PAK5: variants seen among roughly 807,000 people sequenced by gnomAD.
PAK5 encodes the protein p21 (RAC1) activated kinase 5, also known as serine/threonine-protein kinase PAK 5.
Under a neutral mutation model 65.9 loss-of-function variants are expected in PAK5, and 16 were observed. The ratio of observed to expected loss-of-function variants is 0.24; its 90% confidence interval spans 0.16 to 0.37. The LOEUF is 0.37. Among genes scored for constraint, PAK5 ranks in the 10% least tolerant of loss-of-function variants. The pLI, the probability that PAK5 is intolerant of heterozygous loss-of-function variation, is 1.00. For synonymous variants in PAK5, 371 were observed against 354.9 expected (o/e 1.05, Z -0.51); for missense variants, 785 against 903.9 (o/e 0.87, Z 1.69).
intron 1 of PAK5, among the ~76,000 whole-genome samples, chr20:9,837,850 T>C (rs535100485): frequency 6.6e-6 from 1 of 152,266 alleles, no homozygotes; most frequent in African/African-American, 2.4e-5. Flanking sequence ...TGTGCCAACT[T>C]TTCTTTTTGT....
At chr20:9,552,915 T>A (rs926212300) in intron 7 of PAK5, among the ~76,000 whole-genome samples, 19 of 152,170 alleles carry the variant, frequency 1.2e-4, no homozygotes, top group African/African-American at 4.3e-4. Flanking sequence ...AGAGATGAGA[T>A]GGGACTTCAA....
chr20:9,664,190 G>A (rs1325660751), intron 2 of PAK5, among the ~76,000 whole-genome samples: 1 of 152,124 alleles, frequency 6.6e-6, no homozygotes, highest in Non-Finnish European at 1.5e-5. Context: ...CTTCTCTGGG[G>A]CTCAATTATC....
chr20:9,823,530 A>G (rs2049447954), intron 1 of PAK5, among the ~76,000 whole-genome samples: 1 of 152,136 alleles, frequency 6.6e-6, no homozygotes, highest in Non-Finnish European at 1.5e-5. Flanking sequence ...TTTATAAATG[A>G]GCTCCCCTGC....
At chr20:9,624,972 T>G (rs79996418) in intron 3 of PAK5, among the ~76,000 whole-genome samples, 2 of 152,204 alleles carry the variant, frequency 1.3e-5, no homozygotes, top group Admixed American at 1.3e-4. Context: ...GCAACAGAAC[T>G]TTATAACTGG....
At chr20:9,592,644 C>T (rs1432962744) in intron 3 of PAK5, among the ~76,000 whole-genome samples, 1 of 152,206 alleles carries the variant, frequency 6.6e-6, no homozygotes, top group African/African-American at 2.4e-5. Flanking sequence ...ATATGCAGCA[C>T]TCTATGGGCA....
At chr20:9,598,866 G>A (rs1396053166) in intron 3 of PAK5, among the ~76,000 whole-genome samples, 1 of 151,894 alleles carries the variant, frequency 6.6e-6, no homozygotes, top group Admixed American at 6.6e-5. Context: ...TTTATACTGT[G>A]GTAAAATATA....
intron 2 of PAK5, among the ~76,000 whole-genome samples, chr20:9,708,376 G>T (rs1457255745): frequency 6.6e-6 from 1 of 152,104 alleles, no homozygotes; most frequent in Admixed American, 6.6e-5. Context: ...AGATTGTGGT[G>T]ATTATATATA....
chr20:9,671,489 C>T (rs1305884523), intron 2 of PAK5, among the ~76,000 whole-genome samples: 5 of 151,994 alleles, frequency 3.3e-5, no homozygotes, highest in Non-Finnish European at 5.9e-5. Context: ...AGGTCCTTCA[C>T]GTCCCTTGTA....
chr20:9,544,749 G>A (rs2045318359), intron 7 of PAK5, among the ~76,000 whole-genome samples: 1 of 152,052 alleles, frequency 6.6e-6, no homozygotes, highest in African/African-American at 2.4e-5. Flanking sequence ...TCTATAAAAT[G>A]ATGGAACAAC....
At chr20:9,689,708 A>G (rs2047766316) in intron 2 of PAK5, among the ~76,000 whole-genome samples, 1 of 152,244 alleles carries the variant, frequency 6.6e-6, no homozygotes, top group African/African-American at 2.4e-5. Context: ...TGGCTTTCTG[A>G]TCCTCTATAT....
At chr20:9,585,691 G>T (rs2046056970) in intron 3 of PAK5, among the ~76,000 whole-genome samples, 1 of 152,096 alleles carries the variant, frequency 6.6e-6, no homozygotes, top group Non-Finnish European at 1.5e-5. Context: ...GGTATTTAGT[G>T]ATCCCCTTCC....
At chr20:9,833,269 G>C (rs190580477) in intron 1 of PAK5, among the ~76,000 whole-genome samples, 1 of 152,270 alleles carries the variant, frequency 6.6e-6, no homozygotes, top group African/African-American at 2.4e-5. Flanking sequence ...TTCTAAGAAT[G>C]ACCTAAATCT....
intron 1 of PAK5, among the ~76,000 whole-genome samples, chr20:9,748,563 T>C (rs920751259): frequency 6.6e-6 from 1 of 152,082 alleles, no homozygotes; most frequent in Non-Finnish European, 1.5e-5. Flanking sequence ...TCCAAATCTC[T>C]AACTTTTTAA....
chr20:9,728,574 A>C (rs1484758532), intron 1 of PAK5, among the ~76,000 whole-genome samples: 2 of 152,204 alleles, frequency 1.3e-5, no homozygotes, highest in African/African-American at 4.8e-5. Flanking sequence ...TCAAATTCAC[A>C]AAAGAGGAAG....
chr20:9,707,254 G>A (rs1270728241), intron 2 of PAK5, among the ~76,000 whole-genome samples: 1 of 151,986 alleles, frequency 6.6e-6, no homozygotes, highest in Admixed American at 6.6e-5. Flanking sequence ...AAAGCAGCTG[G>A]GATCACAGGC....
At chr20:9,768,545 G>A (rs1398009932) in intron 1 of PAK5, among the ~76,000 whole-genome samples, 1 of 152,168 alleles carries the variant, frequency 6.6e-6, no homozygotes, top group Non-Finnish European at 1.5e-5. Context: ...CACTTTGGGA[G>A]GCCAAGGTGG....
rs949558947 is a variant in PAK5, at chr20:9,555,653, A to C, written c.1743+1955T>G. On this transcript the variant is annotated intron_variant, in intron 7 of 9. Coordinates refer to ENST00000353224, the MANE Select transcript of PAK5 (RefSeq NM_177990.4). ...GAAGATTAAGAAAAAATGCATACACAGTCTTCTTCTACCTGTATCCACATC... is the reference window on the plus strand; with the variant it reads ...GAAGATTAAGAAAAAATGCATACACCGTCTTCTTCTACCTGTATCCACATC... Among the ~76,000 whole-genome samples the C allele has an allele frequency of 4.6e-5, 7 of 152,190 alleles. No individual in the cohort carries two copies. The East Asian group carries it at 7.7e-4, about 17-fold the overall frequency.
chr20:9,551,578 T>C (rs749531694), intron 7 of PAK5, among the ~76,000 whole-genome samples: 7 of 152,128 alleles, frequency 4.6e-5, no homozygotes, highest in Non-Finnish European at 1.0e-4. Flanking sequence ...GGTTTAAAGA[T>C]AGAATGTAAA....
chr20:9,754,217 C>T (rs2048607728), intron 1 of PAK5, among the ~76,000 whole-genome samples: 1 of 152,124 alleles, frequency 6.6e-6, no homozygotes, highest in South Asian at 2.1e-4. Flanking sequence ...GATATTAATA[C>T]AACTGTGGAT....
Sources: gnomAD v4.1 joint callset for allele counts (sites outside exome capture counted in the v4.1 genomes callset) on GRCh38, gnomAD v4.1.1 for gene constraint, MANE v1.5 for transcripts, NCBI Gene and HGNC (gene_info 2026-07-23, HGNC 2026-07-21) for gene names.